FNDC3A: variants seen among roughly 807,000 people sequenced by gnomAD.
FNDC3A encodes the protein fibronectin type III domain containing 3A, also known as fibronectin type-III domain-containing protein 3A.
A neutral mutation model predicts 148.9 loss-of-function variants in FNDC3A; 32 were observed. The observed-to-expected ratio is 0.21, with a 90% CI of 0.16 to 0.29. FNDC3A has a LOEUF of 0.29. FNDC3A is among the 10% of genes least tolerant of loss of function. The pLI is 1.00. For synonymous variants in FNDC3A, 472 were observed against 473.6 expected (o/e 1.00, Z 0.04); for missense variants, 1,191 against 1,452.8 (o/e 0.82, Z 2.93).
At chr13:49,121,907 T>C (rs1330028556) in intron 4 of FNDC3A, among the ~76,000 whole-genome samples, 2 of 152,196 alleles carry the variant, frequency 1.3e-5, no homozygotes, top group African/African-American at 4.8e-5. Flanking sequence ...CACAGCCTAA[T>C]TCTACCAGAG....
chr13:49,190,204 AAC>A (rs1885813531), intron 17 of FNDC3A, among the ~76,000 whole-genome samples: 1 of 152,192 alleles, frequency 6.6e-6, no homozygotes, highest in African/African-American at 2.4e-5. Context: ...CATTGTTTTT[AAC>A]AGAGTGTCTT....
chr13:48,976,510 G>A (rs149778205), intron 1 of FNDC3A: 2,836 of 152,596 alleles, frequency 0.019, 91 homozygotes, highest in African/African-American at 0.063. Flanking sequence ...GGGAGGTGGC[G>A]CTGGTGCGCG....
rs1882970724 is a variant in FNDC3A, at chr13:49,145,945, TG to T, written c.977+11del. The T allele has an allele frequency of 6.3e-7, 1 of 1,595,238 alleles. No homozygotes were observed. The highest frequency in any genetic ancestry group is 8.5e-7 in the Non-Finnish European group (1 of 1,171,242). ...ACAAAAGTGTATATGTGTAGGTATTTGTTGTTTTGCTTTCTCCCATTGTGTA... is the reference window on the plus strand; with the variant it reads ...ACAAAAGTGTATATGTGTAGGTATTTTTGTTTTGCTTTCTCCCATTGTGTA... On this transcript the variant is annotated intron_variant, in intron 8 of 25. Coordinates refer to ENST00000492622, the MANE Select transcript of FNDC3A (RefSeq NM_001079673.2).
chr13:49,008,508 C>T (rs1028989339), intron 2 of FNDC3A, among the ~76,000 whole-genome samples: 2 of 152,020 alleles, frequency 1.3e-5, no homozygotes, highest in African/African-American at 2.4e-5. Flanking sequence ...ATATTTTGTC[C>T]CTTGTCTTGA....
chr13:49,124,626 T>C (rs1881578634), intron 4 of FNDC3A, among the ~76,000 whole-genome samples: 1 of 152,192 alleles, frequency 6.6e-6, no homozygotes, highest in African/African-American at 2.4e-5. Flanking sequence ...GGTCCTTATT[T>C]TAGGCAGAAC....
intron 2 of FNDC3A, among the ~76,000 whole-genome samples, chr13:49,064,574 G>T (rs1877133324): frequency 6.6e-6 from 1 of 152,130 alleles, no homozygotes; most frequent in Non-Finnish European, 1.5e-5. Flanking sequence ...TGACAGGAAG[G>T]TTTCATGGAT....
chr13:48,976,400 CT>C (rs1470070160), intron 1 of FNDC3A, among the ~76,000 whole-genome samples: 1 of 152,220 alleles, frequency 6.6e-6, no homozygotes, highest in Non-Finnish European at 1.5e-5. Context: ...GACCGGTCTA[CT>C]AGTCGGGCAC....
At chr13:49,185,108 A>G (rs1885500074) in intron 14 of FNDC3A, among the ~76,000 whole-genome samples, 1 of 141,534 alleles carries the variant, frequency 7.1e-6, no homozygotes, top group Admixed American at 7.5e-5. Context: ...TTAGAGAAGA[A>G]AAAATCATGG....
At chr13:49,025,257 A>G (rs982064240) in intron 2 of FNDC3A, among the ~76,000 whole-genome samples, 1 of 152,058 alleles carries the variant, frequency 6.6e-6, no homozygotes, top group East Asian at 1.9e-4. Flanking sequence ...ATAAACCAAT[A>G]TATGGCAGTT....
chr13:49,116,624 A>G (rs1880979660), intron 4 of FNDC3A, among the ~76,000 whole-genome samples: 3 of 152,154 alleles, frequency 2.0e-5, no homozygotes, highest in Admixed American at 2.0e-4. Flanking sequence ...TGTCTCTACA[A>G]AAAATACAAA....
chr13:49,084,547 A>G (rs993528387), intron 3 of FNDC3A, among the ~76,000 whole-genome samples: 4 of 152,176 alleles, frequency 2.6e-5, no homozygotes, highest in Admixed American at 6.5e-5. Flanking sequence ...CATTTGACCA[A>G]AAATTCTGGG....
Position 49,015,476 on chromosome 13 carries a change from T to C in FNDC3A, c.99+9187T>C, listed in dbSNP as rs187821236. ...TATCCTGAGACTTTGCTGAAGTTGCTTATCAGCTTAAGAAGATTTTGGGCT... is the reference window on the plus strand; with the variant it reads ...TATCCTGAGACTTTGCTGAAGTTGCCTATCAGCTTAAGAAGATTTTGGGCT... On this transcript the variant is annotated intron_variant, in intron 2 of 25. Coordinates refer to ENST00000492622, the MANE Select transcript of FNDC3A (RefSeq NM_001079673.2). 1.1e-3 allele frequency among the ~76,000 whole-genome samples: 161 copies of C among 152,378 alleles called. 1 individual carries two copies. The highest frequency in any genetic ancestry group is 1.9e-3 in the Non-Finnish European group (131 of 68,038).
chr13:49,032,489 A>G (rs1487467250), intron 2 of FNDC3A, among the ~76,000 whole-genome samples: 1 of 152,236 alleles, frequency 6.6e-6, no homozygotes, highest in Non-Finnish European at 1.5e-5. Context: ...AATGTGGATG[A>G]ACCTCAAAAA....
chr13:49,099,778 A>T (rs116082725), intron 3 of FNDC3A, among the ~76,000 whole-genome samples: 2,836 of 152,220 alleles, frequency 0.019, 90 homozygotes, highest in African/African-American at 0.063. Context: ...AAAATATTTG[A>T]AGTATTTACA....
chr13:49,138,701 A>G (rs753695768), intron 6 of FNDC3A, 46 bp from the exon 7 acceptor site: 3 of 930,546 alleles, frequency 3.2e-6, no homozygotes, highest in Non-Finnish European at 3.3e-6. Context: ...AAGGGATTGT[A>G]TCTAAGTTCT....
chr13:49,190,961 C>G, intron 17 of FNDC3A, 54 bp from the exon 18 acceptor site: 1 of 1,185,212 alleles, frequency 8.4e-7, no homozygotes, highest in East Asian at 2.4e-5. Context: ...CAAAAGCAAT[C>G]TGATTATTTG....
chr13:49,016,528 C>T (rs942131061), intron 2 of FNDC3A, among the ~76,000 whole-genome samples: 4 of 151,842 alleles, frequency 2.6e-5, no homozygotes, highest in African/African-American at 9.7e-5. Context: ...GTCTATCAAT[C>T]TTGTTGATCC....
At chr13:49,111,869 T>A (rs1880601179) in intron 3 of FNDC3A, among the ~76,000 whole-genome samples, 1 of 152,184 alleles carries the variant, frequency 6.6e-6, no homozygotes, top group South Asian at 2.1e-4. Context: ...ATATATTTAC[T>A]ACTGGTTTAT....
At chr13:49,135,012 C>G (rs535666679) in intron 5 of FNDC3A, among the ~76,000 whole-genome samples, 2 of 151,376 alleles carry the variant, frequency 1.3e-5, no homozygotes, top group South Asian at 4.2e-4. Context: ...CGCGCCACCA[C>G]GCCCGGCTAA....
Sources: gnomAD v4.1 joint callset for allele counts (sites outside exome capture counted in the v4.1 genomes callset) on GRCh38, gnomAD v4.1.1 for gene constraint, MANE v1.5 for transcripts, NCBI Gene and HGNC (gene_info 2026-07-23, HGNC 2026-07-21) for gene names.